The following BSN variants were observed in gnomAD, a reference collection of about 807,000 sequenced individuals.
BSN encodes protein bassoon.
BSN carries 57 observed loss-of-function variants against 264.8 expected under a neutral mutation model. The ratio of observed to expected loss-of-function variants is 0.22; its 90% CI spans 0.17 to 0.27. The LOEUF is 0.27. Among genes scored for constraint, BSN ranks in the 10% least tolerant of loss-of-function variants. The probability of loss-of-function intolerance (pLI) is 1.00; values close to 1 mark genes in which losing one functional copy is unlikely to be tolerated. For missense variants in BSN, 4,615 were observed against 5,232.5 expected (o/e 0.88, Z 3.64); for synonymous variants, 2,059 against 2,137.3 (o/e 0.96, Z 1.01).
intron 1 of BSN, among the ~76,000 whole-genome samples, chr3:49,607,276 G>C (rs1409686640): frequency 1.3e-5 from 2 of 152,184 alleles, no homozygotes; most frequent in Non-Finnish European, 2.9e-5. Flanking sequence ...AGGGAGGAAG[G>C]CAAGGCTAAT....
intron 1 of BSN, among the ~76,000 whole-genome samples, chr3:49,567,037 A>T (rs2051757156): frequency 6.6e-6 from 1 of 152,152 alleles, no homozygotes; most frequent in Non-Finnish European, 1.5e-5. Context: ...GGAACACAAG[A>T]AGGAAAAAGA....
intron 2 of BSN, among the ~76,000 whole-genome samples, chr3:49,637,933 G>T (rs1196250692): frequency 6.6e-6 from 1 of 152,224 alleles, no homozygotes; most frequent in Non-Finnish European, 1.5e-5. Flanking sequence ...TTCCTTGCTA[G>T]CAAGAAGAGT....
At position 49,661,830 on chromosome 3, in the gene BSN, G is replaced by T. The variant is rs1450127560; in HGVS notation, c.9985G>T (p.Ala3329Ser). ...TGGTGACAGTGACTACAGGCATGGG[G>T]CTCGAGTAGAGAAGTATGGTCCAGG... ...YYGDSDYRHG[A>S]RVEKYGPGPM... The change falls in exon 6 of 12, where the codon GCT (alanine) becomes TCT (serine). Residue 3329 changes from alanine (A) to serine (S), a missense_variant. Ala to Ser is a moderately conservative substitution (Grantham distance 99, BLOSUM62 1). This residue lies in a region of BSN where 3,415 missense variants were observed against 3,866.4 expected (regional missense o/e 0.88). Coordinates refer to ENST00000296452, the MANE Select transcript of BSN (RefSeq NM_003458.4). The T allele has an allele frequency of 6.2e-7, 1 of 1,613,562 alleles. No homozygotes were observed. Among genetic ancestry groups the T allele is most frequent in the South Asian group, 1.1e-5 (1 of 91,088 alleles).
At position 49,662,008 on chromosome 3, in the gene BSN, A is replaced by AC; in HGVS notation, c.10169dup (p.Pro3391ThrfsTer17). 1.9e-6 allele frequency: 3 copies of AC among 1,613,508 alleles called. No individual in the cohort carries two copies. Among genetic ancestry groups the AC allele is most frequent in the Non-Finnish European group, 8.5e-7 (1 of 1,179,938 alleles). The stretch of plus-strand genomic sequence containing the variant: ...GACGTAGAGTCAGACCTGGCGTCCT[A>AC]CCCCCCACCTGCAGTCAGCAGCAGC... On this transcript the variant is annotated frameshift_variant, in exon 6 of 12. Transcript: ENST00000296452. LOFTEE classifies it high-confidence loss of function.
In BSN at chr3:49,607,561, C is replaced by G. The variant is rs527239695; in HGVS notation, c.225-17414C>G. 6.6e-5 allele frequency among the ~76,000 whole-genome samples: 10 copies of G among 152,346 alleles called. No individual in the cohort carries two copies. The South Asian group carries it at 2.1e-3, about 32-fold the overall frequency. ...TGCACACAGTGCATGTGCACACTCA[C>G]GTGTGAGCACACACTACACACACAT... On this transcript the variant is annotated intron_variant, in intron 1 of 11. Coordinates refer to ENST00000296452, the MANE Select transcript of BSN (RefSeq NM_003458.4).
intron 2 of BSN, among the ~76,000 whole-genome samples, chr3:49,637,565 T>G (rs2052428795): frequency 6.6e-6 from 1 of 152,126 alleles, no homozygotes; most frequent in African/African-American, 2.4e-5. Context: ...GCCTCCAGCT[T>G]GGGCCCCAAG....
At chr3:49,588,363 G>A (rs2051951853) in intron 1 of BSN, among the ~76,000 whole-genome samples, 1 of 152,096 alleles carries the variant, frequency 6.6e-6, no homozygotes. Context: ...AGATCTTAGA[G>A]GAAAGGCTTT....
intron 2 of BSN, among the ~76,000 whole-genome samples, chr3:49,639,439 C>T (rs2052444278): frequency 6.6e-6 from 1 of 152,096 alleles, no homozygotes; most frequent in South Asian, 2.1e-4. Flanking sequence ...ACCTCATGAT[C>T]CGCCCGCCTC....
chr3:49,626,023 A>G (rs1018466734), intron 2 of BSN, among the ~76,000 whole-genome samples: 1 of 152,136 alleles, frequency 6.6e-6, no homozygotes, highest in Non-Finnish European at 1.5e-5. Context: ...AGTGTCCTAC[A>G]CTCACCAAGA....
At chr3:49,662,619 C>G in intron 6 of BSN, 57 bp downstream of exon 6, 1 of 1,537,076 alleles carries the variant, frequency 6.5e-7, no homozygotes, top group East Asian at 2.3e-5. Context: ...GGCCTGCCTA[C>G]CTGTGGGGCC....
rs1352764302 is a variant in BSN, at chr3:49,656,141, C to T, written c.6585C>T (p.Tyr2195=). 1 of 1,613,084 alleles carries T rather than the reference C, an allele frequency of 6.2e-7. No individual in the cohort carries two copies. The highest frequency in any genetic ancestry group is 1.7e-5 in the Admixed American group (1 of 60,016). Residue 2195 remains tyrosine, a synonymous_variant, in exon 5 of 12, where the codon TAC becomes TAT. Transcript: ENST00000296452. ...TACGTGCAGCTGATGGCATGATCTA[C>T]TCGACTATCAATACCCCAATTGCTG... The part of the protein sequence containing the change: ...ATVRAADGMI[Y]STINTPIAAT...
At position 49,585,730 on chromosome 3, in the gene BSN, G is replaced by A. The variant is rs2051932488; in HGVS notation, c.224+30904G>A. On this transcript the variant is annotated intron_variant, in intron 1 of 11. Transcript: ENST00000296452. The surrounding 1 kb of genome is among the most constrained non-coding windows in gnomAD (Gnocchi z 4.7). ...TTACATTCCCACTAACAGTGTACAA[G>A]GGTTCCCTTTTCTCTACATCCTTGC... Among the ~76,000 whole-genome samples, 1 of 152,210 alleles carries A rather than the reference G, an allele frequency of 6.6e-6. No homozygotes were observed. Among genetic ancestry groups the A allele is most frequent in the South Asian group, 2.1e-4 (1 of 4,832 alleles).
chr3:49,579,710 C>T (rs956308058), intron 1 of BSN, among the ~76,000 whole-genome samples: 59 of 151,942 alleles, frequency 3.9e-4, no homozygotes, highest in Admixed American at 1.6e-3. Context: ...TGTGAGCCAC[C>T]GCACCTGGCT....
At chr3:49,613,340 G>GAT (rs1386800514) in intron 1 of BSN, among the ~76,000 whole-genome samples, 3 of 150,432 alleles carry the variant, frequency 2.0e-5, no homozygotes, top group Non-Finnish European at 3.0e-5. Flanking sequence ...GAGAGAGAGA[G>GAT]AGAGAGAGAA....
In BSN at chr3:49,596,239, C is replaced by T. The variant is rs192100714; in HGVS notation, c.225-28736C>T. Among the ~76,000 whole-genome samples, 22 of 152,102 alleles carry T rather than the reference C, an allele frequency of 1.4e-4. No homozygotes were observed. The East Asian group carries it at 2.7e-3, about 19-fold the overall frequency. On this transcript the variant is annotated intron_variant, in intron 1 of 11. Coordinates refer to ENST00000296452, the MANE Select transcript of BSN (RefSeq NM_003458.4). ...CTAACACGGTGAAACCCTGTCTCTA[C>T]TAAAAATATAAAAAATTAGCCGGGT...
Position 49,667,238 on chromosome 3 carries a change from G to A in BSN, c.*105-352G>A, listed in dbSNP as rs567964632. Among the ~76,000 whole-genome samples, 21 of 151,410 alleles carry A rather than the reference G, an allele frequency of 1.4e-4. 1 individual carries two copies. In the South Asian group the frequency reaches 4.4e-3, roughly 32 times the overall value. The stretch of plus-strand genomic sequence containing the variant: ...GTATCCCTCTCCTGAAATTCTTTAC[G>A]GCAATTTCAGAGATGGGCTTGGAGA... On this transcript the variant is annotated intron_variant, in intron 11 of 11. Transcript: ENST00000296452.
At chr3:49,572,723 C>T (rs2051807079) in intron 1 of BSN, among the ~76,000 whole-genome samples, 1 of 152,094 alleles carries the variant, frequency 6.6e-6, no homozygotes, top group Non-Finnish European at 1.5e-5. Context: ...TTAGTAGAGA[C>T]AGGGTTTCAC....
chr3:49,652,809 C>G lies in BSN; in HGVS notation c.3253C>G (p.Arg1085Gly). 1 of 1,559,672 alleles carries G rather than the reference C, an allele frequency of 6.4e-7. No individual in the cohort carries two copies. Among genetic ancestry groups the G allele is most frequent in the Non-Finnish European group, 8.7e-7 (1 of 1,151,320 alleles). The change falls in exon 5 of 12, where the codon CGG becomes GGG. Residue 1085 changes from arginine (R) to glycine (G), a missense_variant. Coordinates refer to ENST00000296452, the MANE Select transcript of BSN (RefSeq NM_003458.4). ...GGACAAGGAAGAACTGCGGGCCCAG[C>G]GGAGGCGAGAGCGCTCCAAGACACC... ...RRDKEELRAQRRRERSKTPPS... is the reference protein window; with the variant it reads ...RRDKEELRAQGRRERSKTPPS...
intron 1 of BSN, among the ~76,000 whole-genome samples, chr3:49,560,964 C>T (rs980635390): frequency 7.9e-5 from 12 of 152,232 alleles, no homozygotes; most frequent in Non-Finnish European, 1.8e-4. Context: ...TGTGTTGTGC[C>T]TTGGGCTCCC....
Sources: allele counts gnomAD v4.1 joint callset (sites outside exome capture counted in the v4.1 genomes callset), GRCh38; gene constraint gnomAD v4.1.1; regional missense constraint gnomAD v4.1.1; non-coding constraint Gnocchi (gnomAD v3.1); transcripts MANE v1.5; gene names NCBI Gene and HGNC (gene_info 2026-07-23, HGNC 2026-07-21).